Variants in ANKRD12 observed in about 807,000 individuals in gnomAD.
The protein encoded by ANKRD12 is ankyrin repeat domain 12, also known as ankyrin repeat domain-containing protein 12.
A neutral mutation model predicts 183.4 loss-of-function variants in ANKRD12; 85 were observed. That is an observed-to-expected ratio of 0.46 (90% CI 0.39 to 0.56). The LOEUF (loss-of-function observed/expected upper bound fraction) is 0.56, where lower values mean the gene tolerates loss of function less well. ANKRD12 is among the 20% of genes least tolerant of loss of function. ANKRD12 has a pLI of 0.00. For missense variants in ANKRD12, 2,405 were observed against 2,357.1 expected (o/e 1.02, Z -0.42); for synonymous variants, 914 against 800.2 (o/e 1.14, Z -2.40).
At chr18:9,191,413 G>A (rs1011432763) in intron 2 of ANKRD12, among the ~76,000 whole-genome samples, 1 of 152,094 alleles carries the variant, frequency 6.6e-6, no homozygotes, top group African/African-American at 2.4e-5. Flanking sequence ...ACACATCACC[G>A]TATTGCACAG....
intron 1 of ANKRD12, among the ~76,000 whole-genome samples, chr18:9,152,712 A>G (rs920543651): frequency 3.3e-5 from 5 of 152,024 alleles, no homozygotes; most frequent in Non-Finnish European, 5.9e-5. Flanking sequence ...TTTGTTTTCA[A>G]AGGCATCCAT....
chr18:9,223,493 CAAAG>C (rs2036539364), intron 8 of ANKRD12, among the ~76,000 whole-genome samples: 1 of 151,068 alleles, frequency 6.6e-6, no homozygotes, highest in African/African-American at 2.4e-5. Context: ...CTTTTGAAGA[CAAAG>C]TAAGAATTTC....
At chr18:9,137,759 T>A (rs952146235) in intron 1 of ANKRD12, 1 of 152,322 alleles carries the variant, frequency 6.6e-6, no homozygotes, top group Non-Finnish European at 1.5e-5. Context: ...TACCCACTTG[T>A]GATGCTTCAA....
intron 8 of ANKRD12, among the ~76,000 whole-genome samples, chr18:9,232,388 G>A (rs1320196333): frequency 3.3e-5 from 5 of 152,086 alleles, no homozygotes; most frequent in Non-Finnish European, 7.4e-5. Flanking sequence ...TAATTTTGTT[G>A]GATGTAGTAT....
Position 9,258,202 on chromosome 18 carries a change from G to A in ANKRD12, c.4935G>A (p.Leu1645=). 6.2e-7 allele frequency: 1 copy of A among 1,613,880 alleles called. No individual in the cohort carries two copies. Among genetic ancestry groups the A allele is most frequent in the Non-Finnish European group, 8.5e-7 (1 of 1,179,948 alleles). Residue 1645 remains leucine (L), a synonymous_variant, in exon 9 of 13, where the codon TTG becomes TTA. Transcript: ENST00000262126. ...NKLESLVLTH[L]SRCDSDLCEM... ...TGGAGAGTTTGGTTTTAACTCATTT[G>A]AGTAGGTGTGATTCTGATTTATGTG...
chr18:9,164,998 G>T (rs563304996), intron 1 of ANKRD12, among the ~76,000 whole-genome samples: 1 of 152,254 alleles, frequency 6.6e-6, no homozygotes, highest in East Asian at 1.9e-4. Context: ...TCAGTGGGGT[G>T]TTAAAGTCTC....
At chr18:9,209,563 T>C (rs1305262960) in intron 5 of ANKRD12, among the ~76,000 whole-genome samples, 1 of 152,164 alleles carries the variant, frequency 6.6e-6, no homozygotes, top group African/African-American at 2.4e-5. Flanking sequence ...CTTAAGAGTT[T>C]CTAAATATTA....
At chr18:9,262,383 C>T (rs1241826698) in intron 9 of ANKRD12, among the ~76,000 whole-genome samples, 2 of 152,142 alleles carry the variant, frequency 1.3e-5, no homozygotes, top group Non-Finnish European at 2.9e-5. Flanking sequence ...ACAAATTCTC[C>T]AAGGGGTAGA....
At chr18:9,203,212 A>G (rs1383331552) in intron 3 of ANKRD12, among the ~76,000 whole-genome samples, 1 of 152,156 alleles carries the variant, frequency 6.6e-6, no homozygotes, top group East Asian at 1.9e-4. Context: ...TGTTTACTTT[A>G]GAGTTGGTCT....
intron 6 of ANKRD12, among the ~76,000 whole-genome samples, chr18:9,212,474 TCTATATA>T (rs2035859444): frequency 1.8e-5 from 1 of 56,312 alleles, no homozygotes. Flanking sequence ...TACAGATATT[TCTATATA>T]TTCTTACAGT....
At chr18:9,186,122 C>T (rs1355938297) in intron 2 of ANKRD12, among the ~76,000 whole-genome samples, 1 of 150,914 alleles carries the variant, frequency 6.6e-6, no homozygotes, top group African/African-American at 2.4e-5. Context: ...TGAATATTGC[C>T]CTCCTAAAAG....
chr18:9,149,066 A>G (rs1238475289), intron 1 of ANKRD12, among the ~76,000 whole-genome samples: 1 of 152,142 alleles, frequency 6.6e-6, no homozygotes, highest in Non-Finnish European at 1.5e-5. Flanking sequence ...TCAACACTCT[A>G]TTTTAGTGTT....
chr18:9,281,773 G>A lies in ANKRD12; in HGVS notation c.*647G>A, dbSNP rs560119018. On this transcript the variant is annotated 3_prime_UTR_variant, in exon 13 of 13. Transcript: ENST00000262126. ...TTGTCTCATGTTTTATTGGACCAAA[G>A]TTGTGGTTTGTATGGAGTGTAGTAG... The A allele has an allele frequency of 1.3e-5, 2 of 152,768 alleles. No homozygotes were observed. The highest frequency in any genetic ancestry group is 4.1e-4 in the South Asian group (2 of 4,832). 9.5% of individuals were successfully genotyped at this position (152,768 alleles called of 1,614,324 possible).
At position 9,235,489 on chromosome 18, in the gene ANKRD12, A is replaced by G. The variant is rs1244094642; in HGVS notation, c.943+13490A>G. ...ATATTACTATTTTGCCATAGTTAATATATCTCTAAGCATTGAATATCAACA... is the reference window on the plus strand; with the variant it reads ...ATATTACTATTTTGCCATAGTTAATGTATCTCTAAGCATTGAATATCAACA... On this transcript the variant is annotated intron_variant, in intron 8 of 12. Coordinates refer to ENST00000262126, the MANE Select transcript of ANKRD12 (RefSeq NM_015208.5). The G allele has an allele frequency of 1.3e-5, 3 of 224,548 alleles. No homozygotes were observed. The South Asian group carries it at 1.9e-4, about 14-fold the overall frequency. The allele number at this position is 224,548 out of a possible 1,614,324, so 13.9% of individuals were successfully genotyped here. A position where few individuals can be genotyped will look rare whatever the true frequency, so the allele number is the denominator to read the frequency against.
At chr18:9,179,377 C>A (rs1382567429) in intron 1 of ANKRD12, among the ~76,000 whole-genome samples, 1 of 152,118 alleles carries the variant, frequency 6.6e-6, no homozygotes, top group Non-Finnish European at 1.5e-5. Flanking sequence ...AAAGCATTCA[C>A]GTTCCCTTCT....
intron 1 of ANKRD12, among the ~76,000 whole-genome samples, chr18:9,164,979 C>T (rs1260297877): frequency 6.6e-6 from 1 of 152,058 alleles, no homozygotes; most frequent in East Asian, 1.9e-4. Flanking sequence ...TATGATTTGT[C>T]TAATATTGTC....
chr18:9,188,344 A>G (rs952533802), intron 2 of ANKRD12, among the ~76,000 whole-genome samples: 2 of 152,254 alleles, frequency 1.3e-5, no homozygotes, highest in African/African-American at 4.8e-5. Context: ...GACAGCAAAC[A>G]GGTATGTCCT....
rs1298357982 is a variant in ANKRD12 at position 9,257,857 on chromosome 18, T to G, written c.4590T>G (p.Ile1530Met). 3.1e-6 allele frequency: 5 copies of G among 1,613,746 alleles called. No individual in the cohort carries two copies. The highest frequency in any genetic ancestry group is 1.3e-5 in the African/African-American group (1 of 75,032). The change falls in exon 9 of 13, where the codon ATT becomes ATG. Residue 1530 changes from isoleucine (I) to methionine (M), a missense_variant. Physicochemically the swap from Ile to Met is conservative, Grantham distance 10. Coordinates refer to ENST00000262126, the MANE Select transcript of ANKRD12 (RefSeq NM_015208.5). ...TACAACAAAAAAATGCAGTTCAGAT[T>G]ATTAGTTCTGCTTTAGATACTGATA... ...GILQQKNAVQIISSALDTDNE... is the reference protein window; with the variant it reads ...GILQQKNAVQMISSALDTDNE...
rs2040181781 is a variant in ANKRD12 at position 9,284,541 on chromosome 18, TTTA to T, written c.*3416_*3418del. Reference sequence around the variant, plus strand: ...CGTTTGTAAAAATTATTTTTAAATATTTAGGGCAAAATTTTTGTTAGATAATAA... The same window carrying T: ...CGTTTGTAAAAATTATTTTTAAATATGGGCAAAATTTTTGTTAGATAATAA... On this transcript the variant is annotated 3_prime_UTR_variant, in exon 13 of 13. Transcript: ENST00000262126. 1 of 151,102 alleles carries T rather than the reference TTTA, an allele frequency of 6.6e-6. No individual in the cohort carries two copies. Among genetic ancestry groups the T allele is most frequent in the Admixed American group, 6.6e-5 (1 of 15,228 alleles). The allele number at this position is 151,102 out of a possible 1,614,324, so 9.4% of individuals were successfully genotyped here.
Sources: gnomAD v4.1 joint callset for allele counts (sites outside exome capture counted in the v4.1 genomes callset) on GRCh38, gnomAD v4.1.1 for gene constraint, MANE v1.5 for transcripts, NCBI Gene and HGNC (gene_info 2026-07-23, HGNC 2026-07-21) for gene names.